The following DNM3 variants were observed in gnomAD, a reference collection of about 807,000 sequenced individuals.
DNM3 encodes dynamin-3.
In DNM3, 47 loss-of-function variants were observed where a neutral mutation model predicts 101.6. The ratio of observed to expected loss-of-function variants is 0.46; its 90% CI spans 0.37 to 0.59. The LOEUF (loss-of-function observed/expected upper bound fraction) is 0.59, where lower values mean the gene tolerates loss of function less well. Ranked by LOEUF, DNM3 falls within the 20% of genes least tolerant of loss-of-function variation. The pLI is 0.00. For missense variants in DNM3, 849 were observed against 1,085.7 expected, an observed-to-expected ratio of 0.78 and a Z score of 3.06; for synonymous variants, 385 against 387.9, an observed-to-expected ratio of 0.99 and a Z score of 0.09.
chr1:172,015,006 A>G (rs1243758004), intron 4 of DNM3, among the ~76,000 whole-genome samples: 1 of 147,188 alleles, frequency 6.8e-6, no homozygotes, highest in East Asian at 2.0e-4. Context: ...GTAGGTGTCC[A>G]GTTTTTTCAG....
chr1:172,243,927 CATATGTATACAT>C (rs1250895215), intron 14 of DNM3, among the ~76,000 whole-genome samples: 1 of 151,980 alleles, frequency 6.6e-6, no homozygotes, highest in Non-Finnish European at 1.5e-5. Context: ...AGGTTAGTTA[CATATGTATACAT>C]GTGCCATGCT....
rs781000729 is a variant in DNM3 at position 172,301,256 on chromosome 1, C to CT, written c.1770-7469dup. ...GTGGGTCACTCCTGTAATTCCAGCA[C>CT]TTTAGGAGGTCGAGGCAGGAGGATA... On this transcript the variant is annotated intron_variant, in intron 15 of 20. Coordinates refer to ENST00000627582, the MANE Select transcript of DNM3 (RefSeq NM_015569.5). 2.1e-4 allele frequency among the ~76,000 whole-genome samples: 32 copies of CT among 152,278 alleles called. 1 individual carries two copies. The highest frequency in any genetic ancestry group is 1.1e-3 in the Admixed American group (17 of 15,292).
At chr1:171,897,815 C>T (rs2037944840) in intron 1 of DNM3, among the ~76,000 whole-genome samples, 1 of 152,032 alleles carries the variant, frequency 6.6e-6, no homozygotes, top group African/African-American at 2.4e-5. Flanking sequence ...ATCAATTAGA[C>T]CAACTAGAAA....
chr1:172,153,598 T>TCTAA (rs113033732), intron 14 of DNM3, among the ~76,000 whole-genome samples: 53,947 of 151,786 alleles, frequency 0.36, 12,228 homozygotes, highest in African/African-American at 0.62. Context: ...CGAAACTTTC[T>TCTAA]CTGAGTATTC....
intron 2 of DNM3, among the ~76,000 whole-genome samples, chr1:171,964,082 C>T (rs1190984728): frequency 1.3e-5 from 2 of 152,024 alleles, no homozygotes; most frequent in Non-Finnish European, 2.9e-5. Context: ...AGTTAGCAGG[C>T]CCTAAAATAA....
intron 17 of DNM3, among the ~76,000 whole-genome samples, chr1:172,361,613 G>C (rs1007746012): frequency 6.6e-6 from 1 of 151,872 alleles, no homozygotes; most frequent in African/African-American, 2.4e-5. Flanking sequence ...TGGAGCCCAG[G>C]TATCAATAGT....
rs929809924 is a variant in DNM3 at position 172,418,147 on chromosome 1, T to G, written c.2541-134T>G. ...ATGTCTGCATGTTTTTGTGTGTGAT[T>G]TGAATTTGACTTTTGTGAGCTATTT... On this transcript the variant is annotated intron_variant, in intron 20 of 20. Transcript: ENST00000485254. The G allele has an allele frequency of 6.3e-6, 4 of 633,766 alleles. No homozygotes were observed. In the East Asian group the frequency reaches 2.7e-4, roughly 43 times the overall value. 39.3% of individuals were successfully genotyped at this position (633,766 alleles called of 1,614,324 possible). A position where few individuals can be genotyped will look rare whatever the true frequency, so the allele number is the denominator to read the frequency against.
chr1:172,418,312 T>A, exon 21 of DNM3: 1 of 1,289,274 alleles, frequency 7.8e-7, no homozygotes, highest in Non-Finnish European at 1.0e-6. Context: ...AGGACGACCA[T>A]CCTAACCCCC....
chr1:172,274,082 G>A (rs1198689272), intron 15 of DNM3, among the ~76,000 whole-genome samples: 1 of 152,002 alleles, frequency 6.6e-6, no homozygotes, highest in Non-Finnish European at 1.5e-5. Flanking sequence ...AAAGCAGATG[G>A]TAAAGACAGA....
downstream of DNM3, among the ~76,000 whole-genome samples, chr1:172,414,211 G>A (rs1423906919): frequency 1.3e-5 from 2 of 152,120 alleles, no homozygotes; most frequent in African/African-American, 4.8e-5. Flanking sequence ...ACACACACCT[G>A]GCATAGCCAC....
At chr1:171,922,123 TTGTG>T (rs3051604) in intron 2 of DNM3, among the ~76,000 whole-genome samples, 122 of 135,800 alleles carry the variant, frequency 9.0e-4, no homozygotes, top group Middle Eastern at 3.8e-3. Flanking sequence ...TTGGTATGCT[TTGTG>T]TGTGTGTGTG....
intron 12 of DNM3, among the ~76,000 whole-genome samples, chr1:172,090,092 T>C (rs1335239799): frequency 6.6e-6 from 1 of 152,160 alleles, no homozygotes; most frequent in Non-Finnish European, 1.5e-5. Flanking sequence ...GACTGATACA[T>C]AATTTTAGGG....
chr1:172,106,813 A>G (rs1219445186), intron 13 of DNM3, among the ~76,000 whole-genome samples: 1 of 109,698 alleles, frequency 9.1e-6, no homozygotes, highest in Non-Finnish European at 2.0e-5. Context: ...CATTGAACGA[A>G]TTTTCTTATT....
chr1:172,327,228 A>G (rs192994310), intron 17 of DNM3, among the ~76,000 whole-genome samples: 4 of 152,336 alleles, frequency 2.6e-5, no homozygotes, highest in Admixed American at 2.6e-4. Flanking sequence ...CAGCAAGGCC[A>G]GTGGACAAGG....
intron 2 of DNM3, among the ~76,000 whole-genome samples, chr1:171,956,062 TGAGATTTGG>T (rs1428941056): frequency 1.3e-5 from 2 of 152,280 alleles, no homozygotes; most frequent in South Asian, 4.1e-4. Flanking sequence ...CAATTCAAGA[TGAGATTTGG>T]GTGGGGACAT....
chr1:171,879,388 GTC>G (rs2036063642), intron 1 of DNM3, among the ~76,000 whole-genome samples: 1 of 152,172 alleles, frequency 6.6e-6, no homozygotes, highest in African/African-American at 2.4e-5. Flanking sequence ...GATTAGTGCT[GTC>G]TACTGAAAAT....
intron 1 of DNM3, among the ~76,000 whole-genome samples, chr1:171,919,295 G>A (rs879416749): frequency 2.0e-5 from 3 of 152,114 alleles, no homozygotes; most frequent in Admixed American, 6.6e-5. Context: ...TCCTAATGCT[G>A]TCCCTCTCCT....
At chr1:171,990,751 C>T (rs1052824363) in intron 4 of DNM3, among the ~76,000 whole-genome samples, 6 of 152,090 alleles carry the variant, frequency 3.9e-5, no homozygotes, top group African/African-American at 1.2e-4. Flanking sequence ...AATTCTTAGG[C>T]CTTTCCAGAA....
At chr1:171,845,771 G>A (rs2031984536) in intron 1 of DNM3, among the ~76,000 whole-genome samples, 1 of 152,138 alleles carries the variant, frequency 6.6e-6, no homozygotes, top group South Asian at 2.1e-4. Context: ...TTTTTAGAGT[G>A]CATATAACTC....
Sources: allele counts gnomAD v4.1 joint callset (sites outside exome capture counted in the v4.1 genomes callset), GRCh38; gene constraint gnomAD v4.1.1; transcripts MANE v1.5; gene names NCBI Gene and HGNC (gene_info 2026-07-23, HGNC 2026-07-21).